NDE1: variants seen among roughly 807,000 people sequenced by gnomAD.
NDE1 encodes the protein nuclear distribution protein nudE homolog 1.
A neutral mutation model predicts 43.4 loss-of-function variants in NDE1; 28 were observed. That is an observed-to-expected ratio of 0.65 (90% confidence interval 0.48 to 0.89). The LOEUF is 0.89. Among genes scored for constraint, NDE1 ranks in the 40% least tolerant of loss-of-function variants. The pLI is 0.00. For synonymous variants in NDE1, 184 were observed against 172.0 expected (o/e 1.07, Z -0.55); for missense variants, 441 against 434.1 (o/e 1.02, Z -0.14).
intron 4 of NDE1, among the ~76,000 whole-genome samples, chr16:15,678,592 T>G (rs1423400216): frequency 3.9e-5 from 6 of 152,094 alleles, no homozygotes; most frequent in African/African-American, 1.4e-4. Flanking sequence ...CTCAAACTCC[T>G]TAGCCTCCAA....
intron 4 of NDE1, among the ~76,000 whole-genome samples, chr16:15,683,969 G>T (rs772849777): frequency 2.6e-5 from 4 of 152,042 alleles, no homozygotes; most frequent in Admixed American, 6.6e-5. Context: ...ATTGGCTCAC[G>T]CCTGTAATCC....
At chr16:15,656,733 G>A (rs1413647179) in intron 1 of NDE1, among the ~76,000 whole-genome samples, 4 of 152,028 alleles carry the variant, frequency 2.6e-5, no homozygotes, top group African/African-American at 7.2e-5. Flanking sequence ...CAGAGATGGG[G>A]TTTTACCATG....
chr16:15,704,111 C>G lies in NDE1; in HGVS notation c.947+7251C>G, dbSNP rs746791674. ...ACCTTCTAGAAGGAACGAAAGAGGT[C>G]TCGTTTCCTCGCCTGTGGGTTGTAA... On this transcript the variant is annotated intron_variant, in intron 8 of 8. Coordinates refer to ENST00000396354, the MANE Select transcript of NDE1 (RefSeq NM_017668.3). The G allele has an allele frequency of 3.7e-6, 6 of 1,614,102 alleles. No homozygotes were observed. Among genetic ancestry groups the G allele is most frequent in the Non-Finnish European group, 5.1e-6 (6 of 1,180,012 alleles).
At chr16:15,686,858 T>A (rs1301705630) in intron 4 of NDE1, 1 of 510,074 alleles carries the variant, frequency 2.0e-6, no homozygotes, top group Non-Finnish European at 2.5e-6. Context: ...CTGGCTAATT[T>A]TTGTATTTCT....
intron 1 of NDE1, among the ~76,000 whole-genome samples, chr16:15,662,285 T>C (rs1009292800): frequency 6.6e-4 from 96 of 146,534 alleles, no homozygotes; most frequent in South Asian, 2.2e-3. Context: ...CTTTTCTTTT[T>C]TTTTTTTTTT....
chr16:15,667,254 T>C (rs1198242290), intron 2 of NDE1, 32 bp from the exon 3 acceptor site: 2 of 1,612,878 alleles, frequency 1.2e-6, no homozygotes, highest in East Asian at 2.2e-5. Flanking sequence ...TTCAAAAATA[T>C]TACTACGTGA....
At chr16:15,689,047 G>A (rs1371004316) in intron 5 of NDE1, among the ~76,000 whole-genome samples, 4 of 152,096 alleles carry the variant, frequency 2.6e-5, no homozygotes, top group East Asian at 1.9e-4. Context: ...TAACCAGTAG[G>A]TGGGGGATAA....
intron 8 of NDE1, among the ~76,000 whole-genome samples, chr16:15,701,022 G>C (rs2039201552): frequency 1.3e-5 from 2 of 152,002 alleles, no homozygotes; most frequent in East Asian, 1.9e-4. Context: ...GATTACCTGA[G>C]GTCAGGAGTT....
rs751862398 is a variant in NDE1 at position 15,704,077 on chromosome 16, G to A, written c.947+7217G>A. ...CCATCTGCATTTTCAATAACTCTACGTCCTCCAGACCTTCTAGAAGGAACG... is the reference window on the plus strand; with the variant it reads ...CCATCTGCATTTTCAATAACTCTACATCCTCCAGACCTTCTAGAAGGAACG... On this transcript the variant is annotated intron_variant, in intron 8 of 8. Coordinates refer to ENST00000396354, the MANE Select transcript of NDE1 (RefSeq NM_017668.3). 6.2e-6 allele frequency: 10 copies of A among 1,613,868 alleles called. No homozygotes were observed. The highest frequency in any genetic ancestry group is 2.7e-5 in the African/African-American group (2 of 74,858).
At chr16:15,707,057 G>T (rs1014440519) in intron 8 of NDE1, among the ~76,000 whole-genome samples, 2 of 151,758 alleles carry the variant, frequency 1.3e-5, no homozygotes, top group Admixed American at 6.6e-5. Context: ...ATTTTTTTTT[G>T]AAATAGAGTC....
At chr16:15,666,325 A>G (rs1329241095) in intron 2 of NDE1, among the ~76,000 whole-genome samples, 1 of 152,088 alleles carries the variant, frequency 6.6e-6, no homozygotes, top group Non-Finnish European at 1.5e-5. Context: ...ATTTATTGAA[A>G]AATTATTTTA....
intron 8 of NDE1, among the ~76,000 whole-genome samples, chr16:15,698,076 A>C (rs529557383): frequency 3.3e-5 from 5 of 152,142 alleles, no homozygotes; most frequent in Non-Finnish European, 7.4e-5. Context: ...TGCTGGGATT[A>C]CAGGCGTGAG....
intron 2 of NDE1, among the ~76,000 whole-genome samples, chr16:15,665,991 G>A (rs747901937): frequency 2.6e-5 from 4 of 151,888 alleles, no homozygotes; most frequent in Non-Finnish European, 5.9e-5. Context: ...CCCAACCTCA[G>A]GTGATCCACT....
At chr16:15,691,775 G>A (rs2038767521) in intron 6 of NDE1, among the ~76,000 whole-genome samples, 2 of 151,468 alleles carry the variant, frequency 1.3e-5, no homozygotes, top group Admixed American at 6.6e-5. Context: ...GGAGTAGCTG[G>A]GACTAAAGGC....
At chr16:15,683,078 T>G (rs555114323) in intron 4 of NDE1, among the ~76,000 whole-genome samples, 1 of 152,112 alleles carries the variant, frequency 6.6e-6, no homozygotes, top group African/African-American at 2.4e-5. Flanking sequence ...AACTCCTGGA[T>G]TCAAACAATC....
chr16:15,716,345 T>C (rs930695979), intron 8 of NDE1, among the ~76,000 whole-genome samples: 1 of 152,134 alleles, frequency 6.6e-6, no homozygotes, highest in African/African-American at 2.4e-5. Context: ...AATGGGTGCA[T>C]TGCAGGGCGT....
intron 8 of NDE1, among the ~76,000 whole-genome samples, chr16:15,708,058 C>A (rs1355248366): frequency 6.6e-6 from 1 of 151,892 alleles, no homozygotes; most frequent in East Asian, 1.9e-4. Flanking sequence ...CTTGGGTATC[C>A]ACTCCCCAGT....
chr16:15,724,053 G>A, intron 8 of NDE1, 138 bp from the exon 9 acceptor site: 1 of 1,572,974 alleles, frequency 6.4e-7, no homozygotes, highest in African/African-American at 1.3e-5. Context: ...TCCCCACAGA[G>A]TGGAGAGGGG....
intron 2 of NDE1, among the ~76,000 whole-genome samples, chr16:15,665,922 A>G (rs2037281836): frequency 6.6e-6 from 1 of 151,334 alleles, no homozygotes; most frequent in South Asian, 2.1e-4. Context: ...ATGCCCAGCT[A>G]ATTTTGTATT....
Sources: gnomAD v4.1 joint callset for allele counts (sites outside exome capture counted in the v4.1 genomes callset) on GRCh38, gnomAD v4.1.1 for gene constraint, MANE v1.5 for transcripts, NCBI Gene and HGNC (gene_info 2026-07-23, HGNC 2026-07-21) for gene names.